Variants in CCDC102B observed in about 807,000 individuals in gnomAD.
CCDC102B encodes the protein coiled-coil domain containing 102B, also known as coiled-coil domain-containing protein 102B.
A neutral mutation model predicts 57.4 loss-of-function variants in CCDC102B; 75 were observed. The observed-to-expected ratio is 1.31, with a 90% CI of 1.08 to 1.58. The LOEUF is 1.58. CCDC102B is among the 40% of genes most tolerant of loss of function. The pLI is 0.00. For missense variants in CCDC102B, 636 were observed against 582.6 expected, an observed-to-expected ratio of 1.09 and a Z score of -0.94; for synonymous variants, 206 against 201.9, an observed-to-expected ratio of 1.02 and a Z score of -0.17.
chr18:68,889,964 G>A (rs949624211), intron 5 of CCDC102B, among the ~76,000 whole-genome samples: 3 of 152,058 alleles, frequency 2.0e-5, no homozygotes, highest in African/African-American at 4.8e-5. Context: ...TACTTTCCTC[G>A]CAGCAGCACT....
intron 6 of CCDC102B, among the ~76,000 whole-genome samples, chr18:68,962,219 G>T (rs935040832): frequency 2.0e-5 from 3 of 152,064 alleles, no homozygotes; most frequent in Non-Finnish European, 4.4e-5. Context: ...AGCAAATAGA[G>T]CATTGCTTCA....
intron 4 of CCDC102B, among the ~76,000 whole-genome samples, chr18:68,854,795 G>A (rs1008301096): frequency 6.6e-6 from 1 of 152,134 alleles, no homozygotes; most frequent in Non-Finnish European, 1.5e-5. Context: ...GATAAAGAAC[G>A]CTTTAGGACA....
intron 1 of CCDC102B, among the ~76,000 whole-genome samples, chr18:68,833,923 G>A (rs754957295): frequency 2.0e-5 from 3 of 152,002 alleles, no homozygotes; most frequent in African/African-American, 4.8e-5. Context: ...ATTTTCCCAC[G>A]TATCAGCGGC....
At chr18:68,991,426 G>T (rs564255872) in intron 6 of CCDC102B, among the ~76,000 whole-genome samples, 6 of 152,328 alleles carry the variant, frequency 3.9e-5, no homozygotes, top group Admixed American at 3.9e-4. Context: ...TGGGTAGAGA[G>T]AATGCTGGAG....
At chr18:68,960,088 G>C (rs2050007739) in intron 6 of CCDC102B, among the ~76,000 whole-genome samples, 2 of 152,166 alleles carry the variant, frequency 1.3e-5, no homozygotes. Context: ...AATCACAGCT[G>C]GGAATGTGCT....
intron 2 of CCDC102B, among the ~76,000 whole-genome samples, chr18:68,781,663 G>C (rs1712231267): frequency 6.6e-6 from 1 of 151,864 alleles, no homozygotes; most frequent in Admixed American, 6.6e-5. Context: ...TAATTTCTTA[G>C]GTTAATTTTG....
At chr18:68,877,432 C>T (rs1369672799) in intron 5 of CCDC102B, among the ~76,000 whole-genome samples, 1 of 152,198 alleles carries the variant, frequency 6.6e-6, no homozygotes, top group African/African-American at 2.4e-5. Flanking sequence ...CCTTAGGACA[C>T]AAACACATAC....
chr18:68,963,866 A>G (rs943218106), intron 6 of CCDC102B, among the ~76,000 whole-genome samples: 1 of 151,792 alleles, frequency 6.6e-6, no homozygotes, highest in African/African-American at 2.4e-5. Flanking sequence ...TCTTCTAATA[A>G]TTCTTCTAGA....
intron 4 of CCDC102B, among the ~76,000 whole-genome samples, chr18:68,848,279 C>A (rs1173206275): frequency 2.0e-5 from 3 of 151,896 alleles, no homozygotes; most frequent in Non-Finnish European, 4.4e-5. Flanking sequence ...CTTTCTTACT[C>A]CCTTTTTCCT....
chr18:68,953,243 T>C (rs2049749209), intron 6 of CCDC102B, among the ~76,000 whole-genome samples: 1 of 152,136 alleles, frequency 6.6e-6, no homozygotes, highest in Admixed American at 6.6e-5. Flanking sequence ...AGATGTTCTA[T>C]TTTTCACGTT....
intron 2 of CCDC102B, among the ~76,000 whole-genome samples, chr18:68,771,897 C>CACAG (rs1339900274): frequency 4.0e-5 from 6 of 151,750 alleles, no homozygotes; most frequent in African/African-American, 1.5e-4. Context: ...CACACACACA[C>CACAG]ACACACACAC....
rs576657681 is a variant in CCDC102B at position 68,879,890 on chromosome 18, G to T, written c.1053+5105G>T. On this transcript the variant is annotated intron_variant, in intron 5 of 7. Coordinates refer to ENST00000360242, the MANE Select transcript of CCDC102B (RefSeq NM_024781.3). ...TACAATCCCGGGGCTAGACATAAAG[G>T]TTCTCCACGTCCCCACCAGACTCAG... Among the ~76,000 whole-genome samples, 17 of 152,330 alleles carry T rather than the reference G, an allele frequency of 1.1e-4. No individual in the cohort carries two copies. The East Asian group carries it at 3.1e-3, about 28-fold the overall frequency.
intron 7 of CCDC102B, among the ~76,000 whole-genome samples, chr18:69,016,036 T>C (rs2051656429): frequency 6.6e-6 from 1 of 150,692 alleles, no homozygotes; most frequent in Non-Finnish European, 1.5e-5. Context: ...CTTTTTTTTT[T>C]TTTTTTTTAG....
At chr18:68,955,661 T>C (rs2049824529) in intron 6 of CCDC102B, among the ~76,000 whole-genome samples, 1 of 152,056 alleles carries the variant, frequency 6.6e-6, no homozygotes, top group East Asian at 1.9e-4. Context: ...TCTGGCTGCC[T>C]GTTGAAACAG....
chr18:68,918,542 G>A (rs1222861820), intron 6 of CCDC102B, among the ~76,000 whole-genome samples: 1 of 152,038 alleles, frequency 6.6e-6, no homozygotes, highest in Non-Finnish European at 1.5e-5. Context: ...ACCTTTTCTT[G>A]TCTGTTAAAA....
chr18:68,922,170 C>T (rs560557443), intron 6 of CCDC102B, among the ~76,000 whole-genome samples: 14 of 152,136 alleles, frequency 9.2e-5, no homozygotes, highest in Non-Finnish European at 1.3e-4. Flanking sequence ...TTTCACTTCT[C>T]ATCTTATGGC....
chr18:69,023,201 T>C (rs973990682), intron 7 of CCDC102B, among the ~76,000 whole-genome samples: 4 of 152,162 alleles, frequency 2.6e-5, no homozygotes, highest in Admixed American at 6.5e-5. Flanking sequence ...TTATGTGATC[T>C]TGGGTTCATC....
chr18:68,872,209 T>C (rs895050939), intron 4 of CCDC102B, among the ~76,000 whole-genome samples: 2 of 152,146 alleles, frequency 1.3e-5, no homozygotes, highest in African/African-American at 2.4e-5. Context: ...TTTAGAGGTG[T>C]TGAGTAGGAA....
intron 5 of CCDC102B, among the ~76,000 whole-genome samples, chr18:68,891,114 T>A (rs2040063073): frequency 6.6e-6 from 1 of 152,184 alleles, no homozygotes. Flanking sequence ...TGTTAATGCA[T>A]GTGGTTATTT....
Sources: allele counts gnomAD v4.1 joint callset (sites outside exome capture counted in the v4.1 genomes callset), GRCh38; gene constraint gnomAD v4.1.1; transcripts MANE v1.5; gene names NCBI Gene and HGNC (gene_info 2026-07-23, HGNC 2026-07-21).